TMPRSS2: variants seen among roughly 807,000 people sequenced by gnomAD.
TMPRSS2 encodes transmembrane protease serine 2.
In TMPRSS2, 59 loss-of-function variants were observed where a neutral mutation model predicts 67.4. That is an observed-to-expected ratio of 0.88 (90% CI 0.71 to 1.09). The LOEUF (loss-of-function observed/expected upper bound fraction) is 1.09. Ranked by LOEUF, TMPRSS2 falls within the 50% of genes least tolerant of loss-of-function variation. The pLI, the probability that TMPRSS2 is intolerant of heterozygous loss-of-function variation, is 0.00. For missense variants in TMPRSS2, 668 were observed against 642.7 expected, an observed-to-expected ratio of 1.04 and a Z score of -0.43; for synonymous variants, 257 against 257.0, an observed-to-expected ratio of 1.00 and a Z score of 0.00.
Position 41,508,123 on chromosome 21 carries a change from C to T in TMPRSS2, c.-99G>A. 2 of 932,248 alleles carry T rather than the reference C, an allele frequency of 2.1e-6. No homozygotes were observed. Among genetic ancestry groups the T allele is most frequent in the Non-Finnish European group, 2.9e-6 (2 of 693,622 alleles). The allele number at this position is 932,248 out of a possible 1,614,324, so 57.7% of individuals were successfully genotyped here. ...GCGCTCCCCGCCCCTCGCCCTCCGCCTCCGCCTCCGCCTCCTGCTTAGCTC... is the reference window on the plus strand; with the variant it reads ...GCGCTCCCCGCCCCTCGCCCTCCGCTTCCGCCTCCGCCTCCTGCTTAGCTC... On this transcript the variant is annotated 5_prime_UTR_variant, in exon 1 of 14. Coordinates refer to ENST00000332149, the MANE Select transcript of TMPRSS2 (RefSeq NM_005656.4).
At chr21:41,482,773 C>G (rs955548290) in intron 5 of TMPRSS2, among the ~76,000 whole-genome samples, 1 of 152,148 alleles carries the variant, frequency 6.6e-6, no homozygotes, top group Non-Finnish European at 1.5e-5. Flanking sequence ...AATGAGCTAT[C>G]AAGCCATGAA....
chr21:41,493,912 A>G (rs2146481580), intron 3 of TMPRSS2, among the ~76,000 whole-genome samples: 1 of 152,374 alleles, frequency 6.6e-6, no homozygotes, highest in South Asian at 2.1e-4. Context: ...CAGGTCATCT[A>G]CTAAACACAA....
chr21:41,507,971 A>T (rs765381251), intron 1 of TMPRSS2, 110 bp downstream of exon 1: 1 of 1,460,772 alleles, frequency 6.8e-7, no homozygotes, highest in South Asian at 1.3e-5. Context: ...CGCTCCTCAC[A>T]CCCGCTTTCA....
intron 3 of TMPRSS2, among the ~76,000 whole-genome samples, 171 bp downstream of exon 3, chr21:41,494,185 C>T (rs1477635950): frequency 6.6e-6 from 1 of 152,128 alleles, no homozygotes; most frequent in African/African-American, 2.4e-5. Flanking sequence ...CAGCTTTGAC[C>T]CAGCAGGAAG....
chr21:41,480,063 T>C (rs2091244780), intron 6 of TMPRSS2, among the ~76,000 whole-genome samples: 1 of 152,142 alleles, frequency 6.6e-6, no homozygotes, highest in Non-Finnish European at 1.5e-5. Flanking sequence ...TGGCACAGGA[T>C]TTGTCTCTGC....
At chr21:41,488,661 G>T in intron 4 of TMPRSS2, 148 bp from the exon 5 acceptor site, 1 of 973,660 alleles carries the variant, frequency 1.0e-6, no homozygotes, top group East Asian at 2.7e-5. Context: ...TTTTTGAGAT[G>T]AAGTCTCATT....
Position 41,488,441 on chromosome 21 carries a change from C to G in TMPRSS2, c.398G>C (p.Cys133Ser). ...SGTCINPSNW[C>S]DGVSHCPGGE... Reference sequence around the variant, plus strand: ...GCCGGGGCAGTGTGACACGCCATCACACCAGTTAGAGGGGTTGATGCAGGT... The same window carrying G: ...GCCGGGGCAGTGTGACACGCCATCAGACCAGTTAGAGGGGTTGATGCAGGT... Residue 133 changes from cysteine to serine, a missense_variant, in exon 5 of 14, where the codon TGT becomes TCT. By Grantham distance (112) the Cys-to-Ser change is moderately radical (BLOSUM62 -1). Transcript: ENST00000332149. 1 of 1,613,926 alleles carries G rather than the reference C, an allele frequency of 6.2e-7. No individual in the cohort carries two copies. The highest frequency in any genetic ancestry group is 1.7e-4 in the Middle Eastern group (1 of 5,968).
intron 12 of TMPRSS2, 52 bp from the exon 13 acceptor site, chr21:41,467,938 G>T: frequency 6.2e-7 from 1 of 1,606,464 alleles, no homozygotes; most frequent in Non-Finnish European, 8.5e-7. Flanking sequence ...ACAATCTGCC[G>T]CACACCACTG....
At chr21:41,466,215 A>AT in intron 13 of TMPRSS2, 62 bp from the exon 14 acceptor site, 2 of 1,585,008 alleles carry the variant, frequency 1.3e-6, no homozygotes, top group Admixed American at 1.7e-5. Context: ...GTGGAAAATA[A>AT]TTTTTTCCTC....
chr21:41,501,502 G>T (rs979437922), intron 1 of TMPRSS2, among the ~76,000 whole-genome samples: 1 of 151,386 alleles, frequency 6.6e-6, no homozygotes, highest in African/African-American at 2.4e-5. Flanking sequence ...CCAGCTACTT[G>T]GGAGGCTGAG....
intron 5 of TMPRSS2, among the ~76,000 whole-genome samples, chr21:41,485,591 G>A (rs2047841656): frequency 6.6e-6 from 1 of 150,740 alleles, no homozygotes; most frequent in Admixed American, 6.6e-5. Context: ...CGAAGTTGCA[G>A]TGAGCCATGG....
At chr21:41,504,671 T>C (rs8129713) in intron 1 of TMPRSS2, among the ~76,000 whole-genome samples, 21,536 of 152,062 alleles carry the variant, frequency 0.14, 1,798 homozygotes, top group Middle Eastern at 0.19. Flanking sequence ...TCCTTGGGTG[T>C]CCACAGGCTC....
intron 1 of TMPRSS2, among the ~76,000 whole-genome samples, chr21:41,499,075 G>A (rs1473929485): frequency 6.6e-6 from 1 of 151,902 alleles, no homozygotes; most frequent in African/African-American, 2.4e-5. Context: ...GGCCATGTGG[G>A]CCCTCTCAAT....
chr21:41,468,087 A>G (rs2091099468), intron 12 of TMPRSS2: 3 of 631,494 alleles, frequency 4.8e-6, no homozygotes, highest in Non-Finnish European at 8.2e-6. Flanking sequence ...CTGAATTTTA[A>G]TCTGTTCAAG....
chr21:41,481,689 T>C (rs1364408098), intron 5 of TMPRSS2, among the ~76,000 whole-genome samples: 1 of 152,224 alleles, frequency 6.6e-6, no homozygotes, highest in Admixed American at 6.5e-5. Context: ...TTCATATATA[T>C]GTTTTATATA....
chr21:41,474,281 GGGTGAGGGCATGAGTGAGGA>G (rs2146434965), intron 8 of TMPRSS2, among the ~76,000 whole-genome samples: 1 of 6,510 alleles, frequency 1.5e-4, no homozygotes, highest in South Asian at 2.7e-3. Context: ...GTGAGTGAGG[GGGTGAGGGCATGAGTGAGGA>G]GGTGAGGGGG....
In TMPRSS2 at chr21:41,473,417, C is replaced by A. The variant is rs2146431422; in HGVS notation, c.807G>T (p.Trp269Cys). Residue 269 changes from tryptophan to cysteine, a missense_variant, in exon 9 of 14, where the codon TGG becomes TGT. Coordinates refer to ENST00000332149, the MANE Select transcript of TMPRSS2 (RefSeq NM_005656.4). ...GESALPGAWP[W>C]QVSLHVQNVH... ...CGTTCTGGACGTGCAGGCTGACCTG[C>A]CAGGGCCAGGCCCCCGGGAGCGCGC... The A allele has an allele frequency of 1.2e-6, 2 of 1,610,216 alleles. No individual in the cohort carries two copies. Among genetic ancestry groups the A allele is most frequent in the Non-Finnish European group, 1.7e-6 (2 of 1,179,196 alleles).
intron 11 of TMPRSS2, 78 bp from the exon 12 acceptor site, chr21:41,468,616 C>A: frequency 6.6e-7 from 1 of 1,524,396 alleles, no homozygotes. Flanking sequence ...CTCCCTGAGA[C>A]CTCCACACGC....
chr21:41,489,861 T>C (rs1214682050), intron 3 of TMPRSS2, among the ~76,000 whole-genome samples: 2 of 152,072 alleles, frequency 1.3e-5, no homozygotes, highest in African/African-American at 4.8e-5. Flanking sequence ...AAGTATGGTA[T>C]GCTTCGCTGG....
Sources: allele counts gnomAD v4.1 joint callset (sites outside exome capture counted in the v4.1 genomes callset), GRCh38; gene constraint gnomAD v4.1.1; transcripts MANE v1.5; gene names NCBI Gene and HGNC (gene_info 2026-07-23, HGNC 2026-07-21).